The following APH1B variants were observed in gnomAD, a reference collection of about 807,000 sequenced individuals.
The protein encoded by APH1B is gamma-secretase subunit APH-1B.
Under a neutral mutation model 28.2 loss-of-function variants are expected in APH1B, and 27 were observed. The observed-to-expected ratio is 0.96, with a 90% CI of 0.70 to 1.32. The LOEUF is 1.32. Ranked by LOEUF, APH1B falls within the 40% of genes most tolerant of loss-of-function variation. The pLI is 0.00. For synonymous variants in APH1B, 141 were observed against 124.6 expected, an observed-to-expected ratio of 1.13 and a Z score of -0.88; for missense variants, 305 against 313.6, an observed-to-expected ratio of 0.97 and a Z score of 0.21.
chr15:63,286,600 A>C lies in APH1B; in HGVS notation c.327A>C (p.Thr109=). The change falls in exon 3 of 6, where the codon ACA becomes ACC. Residue 109 remains threonine, a synonymous_variant. Coordinates refer to ENST00000261879, the MANE Select transcript of APH1B (RefSeq NM_031301.4). ...EGLKSINPGE[T]APSMRLLAYV... ...TGAAGAGTATAAACCCAGGTGAGAC[A>C]GCACCCTCTATGCGACTGCTGGCCT... 1 of 1,608,772 alleles carries C rather than the reference A, an allele frequency of 6.2e-7. No homozygotes were observed. Among genetic ancestry groups the C allele is most frequent in the Non-Finnish European group, 8.5e-7 (1 of 1,178,032 alleles).
intron 1 of APH1B, among the ~76,000 whole-genome samples, 168 bp from the exon 2 acceptor site, chr15:63,278,993 C>T (rs1404554598): frequency 1.3e-5 from 2 of 152,106 alleles, no homozygotes; most frequent in Non-Finnish European, 2.9e-5. Context: ...GAAAATGCAC[C>T]GTTAAGAACA....
intron 4 of APH1B, among the ~76,000 whole-genome samples, chr15:63,293,228 G>A (rs1269117368): frequency 5.3e-5 from 8 of 151,196 alleles, no homozygotes; most frequent in Non-Finnish European, 8.8e-5. Context: ...GCAGTGGTGC[G>A]GTCTCGGCTC....
At chr15:63,305,424 G>A (rs2038675392) in intron 5 of APH1B, among the ~76,000 whole-genome samples, 190 bp from the exon 6 acceptor site, 1 of 152,156 alleles carries the variant, frequency 6.6e-6, no homozygotes, top group Non-Finnish European at 1.5e-5. Context: ...GCAAAACACG[G>A]GACCCACAGT....
At chr15:63,292,301 A>G (rs1288160927) in intron 4 of APH1B, among the ~76,000 whole-genome samples, 2 of 152,236 alleles carry the variant, frequency 1.3e-5, no homozygotes, top group African/African-American at 4.8e-5. Flanking sequence ...ATAAGTTGTC[A>G]CAACTAACTG....
At chr15:63,300,563 C>T (rs1056752340) in intron 4 of APH1B, among the ~76,000 whole-genome samples, 7 of 152,230 alleles carry the variant, frequency 4.6e-5, no homozygotes, top group African/African-American at 1.7e-4. Context: ...TCCCCGCCGT[C>T]ACCAAGCATC....
At chr15:63,300,029 A>G (rs950607647) in intron 4 of APH1B, among the ~76,000 whole-genome samples, 3 of 152,116 alleles carry the variant, frequency 2.0e-5, no homozygotes, top group African/African-American at 7.2e-5. Flanking sequence ...TGTGCATGAA[A>G]TGGCAGGGAT....
At chr15:63,302,239 C>G in intron 4 of APH1B, 106 bp from the exon 5 acceptor site, 1 of 1,381,508 alleles carries the variant, frequency 7.2e-7, no homozygotes, top group South Asian at 1.5e-5. Context: ...GTGTTAAACT[C>G]TCTTGCTGAG....
In APH1B at chr15:63,303,870, ACACAACAC is replaced by A. The variant is rs1437502424; in HGVS notation, c.606+1399_606+1406del. 8.5e-5 allele frequency among the ~76,000 whole-genome samples: 6 copies of A among 70,460 alleles called. No homozygotes were observed. The South Asian group carries it at 1.7e-3, about 20-fold the overall frequency. The allele number at this position is 70,460 out of a possible 152,430, so 46.2% of individuals were successfully genotyped here. ...TCTCTTGGTGAACACACACACACAC[ACACAACAC>A]ACACACACACACACACACACACACA... is the stretch of plus-strand genomic sequence containing the variant. On this transcript the variant is annotated intron_variant, in intron 5 of 5. Coordinates refer to ENST00000261879, the MANE Select transcript of APH1B (RefSeq NM_031301.4).
chr15:63,282,168 A>G (rs1470480627), intron 2 of APH1B, among the ~76,000 whole-genome samples: 1 of 152,244 alleles, frequency 6.6e-6, no homozygotes, highest in African/African-American at 2.4e-5. Context: ...GGATACATTT[A>G]CATTGCTCTC....
chr15:63,286,546 G>A lies in APH1B; in HGVS notation c.285-12G>A, dbSNP rs767657256. On this transcript the variant is annotated splice_polypyrimidine_tract_variant and intron_variant, in intron 2 of 5. Transcript: ENST00000261879. Reference sequence around the variant, plus strand: ...TTTTTTCTTCTTAATTACATGTGTGGTTTTATTTTAGAAAAGCCAGTGAAG... The same window carrying A: ...TTTTTTCTTCTTAATTACATGTGTGATTTTATTTTAGAAAAGCCAGTGAAG... 7 of 1,547,510 alleles carry A rather than the reference G, an allele frequency of 4.5e-6. No individual in the cohort carries two copies. The highest frequency in any genetic ancestry group is 2.4e-5 in the East Asian group (1 of 42,000).
intron 4 of APH1B, 79 bp from the exon 5 acceptor site, chr15:63,302,266 G>C: frequency 6.6e-7 from 1 of 1,524,404 alleles, no homozygotes; most frequent in Non-Finnish European, 8.8e-7. Context: ...TGGACACCCC[G>C]AGAGCCCGTG....
Position 63,286,592 on chromosome 15 carries a change from G to A in APH1B, c.319G>A (p.Gly107Ser), listed in dbSNP as rs950225801. ...ASEGLKSINP[G>S]ETAPSMRLLA... ...TGAAGGTTTGAAGAGTATAAACCCA[G>A]GTGAGACAGCACCCTCTATGCGACT... Residue 107 changes from glycine to serine, a missense_variant, in exon 3 of 6, where the codon GGT becomes AGT. Physicochemically the swap from Gly to Ser is moderately conservative, Grantham distance 56. Coordinates refer to ENST00000261879, the MANE Select transcript of APH1B (RefSeq NM_031301.4). The A allele has an allele frequency of 1.2e-6, 2 of 1,607,472 alleles. No individual in the cohort carries two copies. Among genetic ancestry groups the A allele is most frequent in the South Asian group, 1.1e-5 (1 of 89,894 alleles).
Position 63,286,607 on chromosome 15 carries a change from T to G in APH1B, c.334T>G (p.Ser112Ala). Residue 112 changes from serine (S) to alanine (A), a missense_variant, in exon 3 of 6, where the codon TCT becomes GCT. Coordinates refer to ENST00000261879, the MANE Select transcript of APH1B (RefSeq NM_031301.4). ...KSINPGETAP[S>A]MRLLAYVSGL... ...TATAAACCCAGGTGAGACAGCACCC[T>G]CTATGCGACTGCTGGCCTATGGTAA... The G allele has an allele frequency of 6.2e-7, 1 of 1,608,380 alleles. No individual in the cohort carries two copies.
At chr15:63,296,782 C>T (rs998980346) in intron 4 of APH1B, among the ~76,000 whole-genome samples, 3 of 151,896 alleles carry the variant, frequency 2.0e-5, no homozygotes, top group African/African-American at 7.3e-5. Flanking sequence ...CTCAGCCTCC[C>T]GAGTAGCTGG....
intron 4 of APH1B, among the ~76,000 whole-genome samples, chr15:63,293,305 C>G (rs1595762205): frequency 6.6e-6 from 1 of 151,190 alleles, no homozygotes; most frequent in East Asian, 1.9e-4. Context: ...GCTGGGACTA[C>G]AGGCGCCTGC....
chr15:63,282,437 A>C (rs1041404301), intron 2 of APH1B, among the ~76,000 whole-genome samples: 7 of 152,194 alleles, frequency 4.6e-5, no homozygotes, highest in African/African-American at 7.2e-5. Flanking sequence ...AATCTTACTA[A>C]TCTTGTTCTT....
At chr15:63,287,373 A>G in intron 3 of APH1B, 51 bp from the exon 4 acceptor site, 3 of 1,603,580 alleles carry the variant, frequency 1.9e-6, no homozygotes, top group Non-Finnish European at 2.6e-6. Context: ...TGGAAATTTG[A>G]CTTGAAATCT....
At chr15:63,279,739 C>T (rs1051988844) in intron 2 of APH1B, among the ~76,000 whole-genome samples, 1 of 151,162 alleles carries the variant, frequency 6.6e-6, no homozygotes, top group African/African-American at 2.4e-5. Flanking sequence ...AAAACAACTA[C>T]AGAAATCATT....
intron 1 of APH1B, 79 bp downstream of exon 1, chr15:63,277,815 C>G: frequency 7.2e-7 from 1 of 1,387,180 alleles, no homozygotes; most frequent in South Asian, 1.2e-5. Context: ...TCGGCGCCCC[C>G]ACCGCGCGGC....
Sources: allele counts gnomAD v4.1 joint callset (sites outside exome capture counted in the v4.1 genomes callset), GRCh38; gene constraint gnomAD v4.1.1; transcripts MANE v1.5; gene names NCBI Gene and HGNC (gene_info 2026-07-23, HGNC 2026-07-21).